The following UBE2K variants were observed in gnomAD, a reference collection of about 807,000 sequenced individuals.
UBE2K encodes ubiquitin-conjugating enzyme E2 K.
A neutral mutation model predicts 30.0 loss-of-function variants in UBE2K; 6 were observed. The observed-to-expected ratio is 0.20, with a 90% confidence interval of 0.11 to 0.39. UBE2K has a LOEUF of 0.39. Ranked by LOEUF, UBE2K falls within the 10% of genes least tolerant of loss-of-function variation. UBE2K has a pLI of 1.00. For synonymous variants in UBE2K, 86 were observed against 83.7 expected, an observed-to-expected ratio of 1.03 and a Z score of -0.15; for missense variants, 61 against 241.6, an observed-to-expected ratio of 0.25 and a Z score of 4.96.
At chr4:39,701,275 GTTATT>G (rs1195386282) in intron 1 of UBE2K, among the ~76,000 whole-genome samples, 1 of 152,150 alleles carries the variant, frequency 6.6e-6, no homozygotes, top group East Asian at 1.9e-4. Context: ...TTTATAATTA[GTTATT>G]TTATGAGTAG....
Position 39,714,545 on chromosome 4 carries a change from TATA to T in UBE2K, c.63+16156_63+16158del, listed in dbSNP as rs1408827239. On this transcript the variant is annotated intron_variant, in intron 1 of 6. Coordinates refer to ENST00000261427, the MANE Select transcript of UBE2K (RefSeq NM_005339.5). Reference sequence around the variant, plus strand: ...ATATATATATATATATATATATATATATATATTTTTTTTTTTTTTTAAGACTGA... The same window carrying T: ...ATATATATATATATATATATATATATTATTTTTTTTTTTTTTTAAGACTGA... 24 of 52,790 alleles carry T rather than the reference TATA, an allele frequency of 4.5e-4. 1 individual carries two copies. Among genetic ancestry groups the T allele is most frequent in the Admixed American group, 5.8e-4 (2 of 3,462 alleles). 3.3% of individuals were successfully genotyped at this position (52,790 alleles called of 1,614,324 possible). A position where few individuals can be genotyped will look rare whatever the true frequency, so the allele number is the denominator to read the frequency against.
In UBE2K at chr4:39,782,130, A is replaced by G. The variant is rs554550235; in HGVS notation, c.*3696A>G. 1.8e-5 allele frequency: 7 copies of G among 394,242 alleles called. No individual in the cohort carries two copies. The highest frequency in any genetic ancestry group is 1.4e-4 in the East Asian group (4 of 27,904). 24.4% of individuals were successfully genotyped at this position (394,242 alleles called of 1,614,324 possible). ...GATACACCCTCATGAACTTGCAATC[A>G]CCTAAATGGAAGTCTTGAATGTGTC... On this transcript the variant is annotated 3_prime_UTR_variant, in exon 7 of 7. Coordinates refer to ENST00000261427, the MANE Select transcript of UBE2K (RefSeq NM_005339.5).
At chr4:39,703,302 A>G (rs995779049) in intron 1 of UBE2K, among the ~76,000 whole-genome samples, 1 of 152,016 alleles carries the variant, frequency 6.6e-6, no homozygotes, top group African/African-American at 2.4e-5. Flanking sequence ...GATTGAGGCC[A>G]GGAGTTCAAG....
rs186780882 is a variant in UBE2K at position 39,702,377 on chromosome 4, C to T, written c.63+3987C>T. 5.7e-3 allele frequency among the ~76,000 whole-genome samples: 857 copies of T among 151,360 alleles called. 12 individuals carry two copies. Among genetic ancestry groups the T allele is most frequent in the Non-Finnish European group, 8.4e-3 (569 of 67,892 alleles). ...TCAAGCAATTCTCCTGCCTCGGCCT[C>T]CTGAGTAGCTGGGATTATAGGCATG... On this transcript the variant is annotated intron_variant, in intron 1 of 6. Transcript: ENST00000261427.
intron 1 of UBE2K, among the ~76,000 whole-genome samples, chr4:39,730,894 C>T (rs1180017065): frequency 6.7e-6 from 1 of 150,076 alleles, no homozygotes; most frequent in African/African-American, 2.5e-5. Flanking sequence ...ACTGCAACCT[C>T]CGCCTCTCGG....
At position 39,725,790 on chromosome 4, in the gene UBE2K, A is replaced by G. The variant is rs1334341730; in HGVS notation, c.64-11630A>G. ...CCTGAGTATCTGGGACTACAGGTGC[A>G]CACCACCATACCTGGCTAATTTTTG... On this transcript the variant is annotated intron_variant, in intron 1 of 6. Transcript: ENST00000261427. Among the ~76,000 whole-genome samples, 6 of 152,180 alleles carry G rather than the reference A, an allele frequency of 3.9e-5. No homozygotes were observed. The East Asian group carries it at 1.2e-3, about 29-fold the overall frequency.
intron 4 of UBE2K, among the ~76,000 whole-genome samples, chr4:39,764,301 T>A (rs1051977472): frequency 6.6e-6 from 1 of 152,250 alleles, no homozygotes; most frequent in Non-Finnish European, 1.5e-5. Flanking sequence ...TCACACATTC[T>A]GTGAAAATTC....
At chr4:39,699,750 GAA>G (rs371285231) in intron 1 of UBE2K, among the ~76,000 whole-genome samples, 4 of 152,084 alleles carry the variant, frequency 2.6e-5, no homozygotes, top group Non-Finnish European at 4.4e-5. Flanking sequence ...TATACATGGA[GAA>G]AAAATTATTT....
At chr4:39,777,148 T>A (rs1713328303) in intron 5 of UBE2K, among the ~76,000 whole-genome samples, 1 of 152,234 alleles carries the variant, frequency 6.6e-6, no homozygotes, top group South Asian at 2.1e-4. Context: ...ATTGTGAGTT[T>A]ATAATCATCT....
intron 1 of UBE2K, among the ~76,000 whole-genome samples, chr4:39,698,828 A>G (rs1050724860): frequency 3.3e-5 from 5 of 152,172 alleles, no homozygotes; most frequent in African/African-American, 9.7e-5. Flanking sequence ...TTTTGAGGGT[A>G]TTCGGGGTTA....
chr4:39,698,487 C>T, intron 1 of UBE2K, 97 bp downstream of exon 1: 2 of 1,144,418 alleles, frequency 1.7e-6, no homozygotes, highest in South Asian at 1.3e-5. Context: ...CTGGGTGGTC[C>T]TCCTTGCGGC....
At chr4:39,714,003 C>T (rs1718863833) in intron 1 of UBE2K, 1 of 152,234 alleles carries the variant, frequency 6.6e-6, no homozygotes. Flanking sequence ...GATCTTCCCA[C>T]CTCATCCTTC....
chr4:39,755,058 T>C (rs1721458021), intron 3 of UBE2K, among the ~76,000 whole-genome samples: 1 of 152,224 alleles, frequency 6.6e-6, no homozygotes, highest in South Asian at 2.1e-4. Context: ...GGAATCAGAT[T>C]GTGGGAGTTT....
At position 39,782,569 on chromosome 4, in the gene UBE2K, A is replaced by C. The variant is rs1414108963; in HGVS notation, c.*4135A>C. 1 of 152,106 alleles carries C rather than the reference A, an allele frequency of 6.6e-6. No individual in the cohort carries two copies. The highest frequency in any genetic ancestry group is 1.5e-5 in the Non-Finnish European group (1 of 68,032). 9.4% of individuals were successfully genotyped at this position (152,106 alleles called of 1,614,324 possible). A position where few individuals can be genotyped will look rare whatever the true frequency, so the allele number is the denominator to read the frequency against. On this transcript the variant is annotated 3_prime_UTR_variant, in exon 7 of 7. Transcript: ENST00000261427. Reference sequence around the variant, plus strand: ...GTAGGAGGGTCTATTCTGAGCCGTTAACTTCCTGTAAGGGGAAAATGGGTG... The same window carrying C: ...GTAGGAGGGTCTATTCTGAGCCGTTCACTTCCTGTAAGGGGAAAATGGGTG...
intron 1 of UBE2K, among the ~76,000 whole-genome samples, chr4:39,720,954 C>A (rs958370793): frequency 6.6e-6 from 1 of 152,112 alleles, no homozygotes; most frequent in Non-Finnish European, 1.5e-5. Flanking sequence ...GCCATGTTAC[C>A]CAGGCTGGTC....
At chr4:39,750,082 T>A (rs1463719485) in intron 3 of UBE2K, among the ~76,000 whole-genome samples, 2 of 151,856 alleles carry the variant, frequency 1.3e-5, no homozygotes, top group Admixed American at 6.6e-5. Flanking sequence ...TAATCCCAGC[T>A]ACTCAGAAGG....
chr4:39,738,954 C>A (rs887451239), intron 2 of UBE2K, among the ~76,000 whole-genome samples: 1 of 151,762 alleles, frequency 6.6e-6, no homozygotes, highest in Non-Finnish European at 1.5e-5. Flanking sequence ...GGATTACAGG[C>A]GTGAGCCACC....
intron 1 of UBE2K, among the ~76,000 whole-genome samples, chr4:39,722,709 A>G (rs1487592680): frequency 6.6e-6 from 1 of 152,112 alleles, no homozygotes; most frequent in Non-Finnish European, 1.5e-5. Flanking sequence ...GCTCCACATA[A>G]GACAGCAGCC....
chr4:39,722,577 A>G (rs1327381340), intron 1 of UBE2K, among the ~76,000 whole-genome samples: 1 of 151,806 alleles, frequency 6.6e-6, no homozygotes, highest in Non-Finnish European at 1.5e-5. Context: ...ACACACCCCC[A>G]CTCTCACTCA....
Sources: allele counts gnomAD v4.1 joint callset (sites outside exome capture counted in the v4.1 genomes callset), GRCh38; gene constraint gnomAD v4.1.1; transcripts MANE v1.5; gene names NCBI Gene and HGNC (gene_info 2026-07-23, HGNC 2026-07-21).